Variants in JADE3 observed in about 807,000 individuals in gnomAD.
The protein encoded by JADE3 is protein Jade-3.
Under a neutral mutation model 50.1 loss-of-function variants are expected in JADE3, and 2 were observed. The observed-to-expected ratio is 0.04, with a 90% CI of 0.02 to 0.13. The LOEUF is 0.13. Among genes scored for constraint, JADE3 ranks in the 10% least tolerant of loss-of-function variants. JADE3 has a pLI of 1.00. For synonymous variants in JADE3, 218 were observed against 232.9 expected, an observed-to-expected ratio of 0.94 and a Z score of 0.58; for missense variants, 475 against 634.4, an observed-to-expected ratio of 0.75 and a Z score of 2.70.
chrX:47,024,385 T>C (rs1380627314), intron 4 of JADE3, among the ~76,000 whole-genome samples: 1 of 111,889 alleles, frequency 8.9e-6, no homozygotes, highest in Non-Finnish European at 1.9e-5. Flanking sequence ...CTCAGCTACT[T>C]GAGAAGCTGA....
chrX:46,956,800 CT>C (rs1387048794), intron 1 of JADE3, among the ~76,000 whole-genome samples: 3 of 102,277 alleles, frequency 2.9e-5, no homozygotes, highest in Non-Finnish European at 4.0e-5. Context: ...TCCCCTTCCC[CT>C]TCCCCTCCCC....
In JADE3 at chrX:46,912,458, AGCC is replaced by A; in HGVS notation, c.-260_-258del. The A allele has an allele frequency of 4.5e-5, 5 of 111,915 alleles. No homozygotes were observed. Among genetic ancestry groups the A allele is most frequent in the South Asian group, 3.5e-4 (1 of 2,838 alleles). 9.2% of individuals were successfully genotyped at this position (111,915 alleles called of 1,213,427 possible). A position where few individuals can be genotyped will look rare whatever the true frequency, so the allele number is the denominator to read the frequency against. Reference sequence around the variant, plus strand: ...ATACAATAGTGCTCCGCGCCGCCTCAGCCGCCGCCGCCGCCCAACCGCCTGCCC... The same window carrying A: ...ATACAATAGTGCTCCGCGCCGCCTCAGCCGCCGCCGCCCAACCGCCTGCCC... On this transcript the variant is annotated 5_prime_UTR_variant, in exon 1 of 11. Transcript: ENST00000614628.
chrX:46,927,651 C>A lies in JADE3; in HGVS notation c.-12+14932C>A, dbSNP rs142702843. Among the ~76,000 whole-genome samples, 239 of 112,337 alleles carry A rather than the reference C, an allele frequency of 2.1e-3. 6 individuals are homozygous for A. In the East Asian group the frequency reaches 0.056, roughly 26 times the overall value. ...AGCTCAGGAGATCCACCTGCTTTGG[C>A]CTCAGAAAGTGCTGGGATTACAGGT... is the stretch of plus-strand genomic sequence containing the variant. On this transcript the variant is annotated intron_variant, in intron 1 of 10. Transcript: ENST00000614628.
rs782141689 is a variant in JADE3 at position 47,058,827 on chromosome X, G to A, written c.2222G>A (p.Ser741Asn). ...QCYVKPTKNM[S>N]PKEQFWGRQV... ...TATGTGAAGCCAACCAAGAATATGA[G>A]CCCCAAGGAGCAGTTCTGGGGTAGA... Residue 741 changes from serine (S) to asparagine (N), a missense_variant, in exon 11 of 11, where the codon AGC (serine) becomes AAC (asparagine). Ser to Asn is a conservative substitution (Grantham distance 46). Around this residue, in one of 6 missense-constraint regions of JADE3, gnomAD observed 243 missense variants for 238.2 expected, o/e 1.02. Coordinates refer to ENST00000614628, the MANE Select transcript of JADE3 (RefSeq NM_014735.5). The A allele has an allele frequency of 8.3e-7, 1 of 1,208,852 alleles. No homozygotes were observed. Among genetic ancestry groups the A allele is most frequent in the African/African-American group, 1.7e-5 (1 of 57,805 alleles).
At chrX:47,026,293 G>T (rs1218279539) in intron 5 of JADE3, among the ~76,000 whole-genome samples, 10 of 112,038 alleles carry the variant, frequency 8.9e-5, no homozygotes, top group African/African-American at 2.9e-4. Context: ...CTCCTTGGGT[G>T]AGTTTTTTAA....
rs185441765 is a variant in JADE3, at chrX:46,929,225, A to G, written c.-12+16506A>G. 3.1e-3 allele frequency among the ~76,000 whole-genome samples: 353 copies of G among 112,345 alleles called. 1 individual carries two copies. Among genetic ancestry groups the G allele is most frequent in the South Asian group, 6.3e-3 (17 of 2,686 alleles). On this transcript the variant is annotated intron_variant, in intron 1 of 10. Transcript: ENST00000614628. ...AACAGCTGTATCCTACTTGTCTCAC[A>G]TGAAACTTATACAGGAGCGGTGTTT...
rs782297206 is a variant in JADE3, at chrX:46,959,840, A to G, written c.-11-25044A>G. Among the ~76,000 whole-genome samples, 3 of 110,129 alleles carry G rather than the reference A, an allele frequency of 2.7e-5. No homozygotes were observed. The East Asian group carries it at 8.6e-4, about 31-fold the overall frequency. ...GGTAGGACTGGAAAATTAGGTTGGC[A>G]CCACCTCTGACAGAGCTGCATGCTT... is the stretch of plus-strand genomic sequence containing the variant. On this transcript the variant is annotated intron_variant, in intron 1 of 10. Transcript: ENST00000614628.
At position 46,923,393 on chromosome X, in the gene JADE3, C is replaced by CTCTCTCTCTTTTTT. The variant is rs1556338199; in HGVS notation, c.-12+10675_-12+10676insCTCTCTCTTTTTTT. ...ATTTCTTTTCTCTCTCTCTCTCTCT[C>CTCTCTCTCTTTTTT]TTTTTTTTTTTTTTTTTTTTTTTTT... On this transcript the variant is annotated intron_variant, in intron 1 of 10. Transcript: ENST00000614628. 2.6e-4 allele frequency among the ~76,000 whole-genome samples: 3 copies of CTCTCTCTCTTTTTT among 11,522 alleles called. 1 individual carries two copies. Among genetic ancestry groups the CTCTCTCTCTTTTTT allele is most frequent in the Non-Finnish European group, 6.1e-4 (3 of 4,943 alleles). 10.0% of individuals were successfully genotyped at this position (11,522 alleles called of 115,157 possible).
chrX:46,920,661 C>T (rs1272985080), intron 1 of JADE3, among the ~76,000 whole-genome samples: 2 of 112,486 alleles, frequency 1.8e-5, no homozygotes, highest in Non-Finnish European at 3.8e-5. Context: ...TATTCTCCTG[C>T]CATGAATGTG....
chrX:47,021,851 A>C (rs1928800869), intron 4 of JADE3, among the ~76,000 whole-genome samples: 1 of 112,069 alleles, frequency 8.9e-6, no homozygotes, highest in Admixed American at 9.5e-5. Flanking sequence ...TTTGTTGTCT[A>C]TGTGCAATTG....
chrX:46,930,076 A>G (rs782046418), intron 1 of JADE3, among the ~76,000 whole-genome samples: 9 of 111,618 alleles, frequency 8.1e-5, no homozygotes, highest in Non-Finnish European at 1.5e-4. Flanking sequence ...CTGTTTCTCT[A>G]CTCCTTGAAT....
intron 4 of JADE3, among the ~76,000 whole-genome samples, chrX:47,007,805 TTTTGTGTGTGTGTGTGTGTGTG>T (rs1435769559): frequency 2.5e-5 from 2 of 79,829 alleles, no homozygotes; most frequent in African/African-American, 9.7e-5. Flanking sequence ...TGTCCTTTTA[TTTTGTGTGTGTGTGTGTGTGTG>T]TGTGTGTGTG....
intron 1 of JADE3, among the ~76,000 whole-genome samples, chrX:46,917,865 CTCTCT>C (rs1926136228): frequency 7.6e-5 from 7 of 91,515 alleles, no homozygotes; most frequent in South Asian, 9.9e-4. Flanking sequence ...CATCCTCTCT[CTCTCT>C]CTCTCTCTCT....
intron 1 of JADE3, among the ~76,000 whole-genome samples, chrX:46,963,564 G>A (rs1360775360): frequency 1.8e-5 from 2 of 112,129 alleles, no homozygotes; most frequent in Non-Finnish European, 3.8e-5. Flanking sequence ...TCAGTCATTT[G>A]GGCTGGGTTC....
At chrX:46,941,468 G>A (rs1254526817) in intron 1 of JADE3, among the ~76,000 whole-genome samples, 1 of 111,279 alleles carries the variant, frequency 9.0e-6, no homozygotes, top group Non-Finnish European at 1.9e-5. Flanking sequence ...CACATTCTTT[G>A]AGAACTCCCC....
At chrX:46,923,458 C>CAGTG (rs1482711300) in intron 1 of JADE3, among the ~76,000 whole-genome samples, 1 of 84,565 alleles carries the variant, frequency 1.2e-5, no homozygotes, top group Non-Finnish European at 2.2e-5. Context: ...AACTGGAGTA[C>CAGTG]AGTGACACGA....
At chrX:47,007,857 T>G (rs1334816519) in intron 4 of JADE3, among the ~76,000 whole-genome samples, 44 of 103,519 alleles carry the variant, frequency 4.3e-4, no homozygotes, top group Admixed American at 3.9e-3. Flanking sequence ...GTGTGTGTGT[T>G]CTCTGTTTTT....
At chrX:46,952,857 G>A (rs973645851) in intron 1 of JADE3, among the ~76,000 whole-genome samples, 3 of 111,097 alleles carry the variant, frequency 2.7e-5, no homozygotes, top group Non-Finnish European at 5.7e-5. Flanking sequence ...ATTTAGCCGG[G>A]CATGGTGGTG....
chrX:46,990,154 C>T (rs1172661770), intron 3 of JADE3, among the ~76,000 whole-genome samples: 2 of 111,706 alleles, frequency 1.8e-5, no homozygotes, highest in Non-Finnish European at 3.8e-5. Context: ...AAATCCTTGT[C>T]AGATAATTCT....
Sources: gnomAD v4.1 joint callset for allele counts (sites outside exome capture counted in the v4.1 genomes callset) on GRCh38, gnomAD v4.1.1 for gene constraint, gnomAD v4.1.1 regional missense constraint, MANE v1.5 for transcripts, NCBI Gene and HGNC (gene_info 2026-07-23, HGNC 2026-07-21) for gene names.